The following CCDC148 variants were observed in gnomAD, a reference collection of about 807,000 sequenced individuals.
The protein encoded by CCDC148 is coiled-coil domain-containing protein 148.
Under a neutral mutation model 85.7 loss-of-function variants are expected in CCDC148, and 89 were observed. The ratio of observed to expected loss-of-function variants is 1.04; its 90% CI spans 0.87 to 1.24. The LOEUF is 1.24. CCDC148 is among the 50% of genes most tolerant of loss of function. The pLI is 0.00. For missense variants in CCDC148, 692 were observed against 671.7 expected, an observed-to-expected ratio of 1.03 and a Z score of -0.33; for synonymous variants, 230 against 213.9, an observed-to-expected ratio of 1.08 and a Z score of -0.66.
intron 1 of CCDC148, among the ~76,000 whole-genome samples, chr2:158,440,503 AC>A (rs1687886559): frequency 6.6e-6 from 1 of 152,076 alleles, no homozygotes; most frequent in Admixed American, 6.5e-5. Flanking sequence ...TGCATTCAAG[AC>A]CCCCAGTGGA....
chr2:158,392,391 A>G (rs2105297978), intron 1 of CCDC148, among the ~76,000 whole-genome samples: 1 of 152,232 alleles, frequency 6.6e-6, no homozygotes, highest in Middle Eastern at 3.4e-3. Context: ...ATGAATATTT[A>G]TTACAGGTTG....
chr2:158,399,160 G>A (rs551059399), intron 1 of CCDC148, among the ~76,000 whole-genome samples: 1 of 152,234 alleles, frequency 6.6e-6, no homozygotes, highest in Admixed American at 6.5e-5. Flanking sequence ...AAAAGTCCAG[G>A]ACCAGATGGA....
chr2:158,412,542 A>G (rs1324206787), intron 1 of CCDC148, among the ~76,000 whole-genome samples: 1 of 152,186 alleles, frequency 6.6e-6, no homozygotes. Flanking sequence ...TAAAAGAGAG[A>G]GGCATAGGAA....
intron 10 of CCDC148, among the ~76,000 whole-genome samples, chr2:158,245,077 A>C (rs887677476): frequency 1.3e-5 from 2 of 152,214 alleles, no homozygotes; most frequent in Admixed American, 6.5e-5. Flanking sequence ...AGAATGGTTC[A>C]GATCTGAAAT....
At chr2:158,236,425 A>G (rs1688111346) in intron 10 of CCDC148, among the ~76,000 whole-genome samples, 1 of 152,184 alleles carries the variant, frequency 6.6e-6, no homozygotes, top group Admixed American at 6.5e-5. Flanking sequence ...TTGCATAATG[A>G]TCATGTCATA....
chr2:158,377,496 CA>C (rs1232283631), intron 1 of CCDC148, among the ~76,000 whole-genome samples: 1 of 151,894 alleles, frequency 6.6e-6, no homozygotes, highest in Non-Finnish European at 1.5e-5. Context: ...ATCAAATTAA[CA>C]AAAAATAAAA....
chr2:158,234,172 T>G (rs139791669), intron 10 of CCDC148, among the ~76,000 whole-genome samples: 81 of 150,646 alleles, frequency 5.4e-4, no homozygotes, highest in African/African-American at 1.8e-3. Flanking sequence ...CGAGACTCCA[T>G]CTCAAAAAAA....
intron 2 of CCDC148, among the ~76,000 whole-genome samples, chr2:158,357,252 A>C (rs1052407465): frequency 6.9e-6 from 1 of 145,940 alleles, no homozygotes; most frequent in Non-Finnish European, 1.5e-5. Context: ...AAAAGAAGAC[A>C]AAAAAAAATA....
Position 158,385,639 on chromosome 2 carries a change from A to T in CCDC148, c.26-27069T>A, listed in dbSNP as rs561705460. 5.8e-4 allele frequency among the ~76,000 whole-genome samples: 89 copies of T among 152,290 alleles called. 1 individual carries two copies. Among genetic ancestry groups the T allele is most frequent in the African/African-American group, 1.9e-3 (81 of 41,574 alleles). ...TCTAGGAATTCATCCTAATGATATA[A>T]TCAAAGGTATACACAAAGATATATA... is the stretch of plus-strand genomic sequence containing the variant. On this transcript the variant is annotated intron_variant, in intron 1 of 13. Coordinates refer to ENST00000283233, the MANE Select transcript of CCDC148 (RefSeq NM_138803.4).
intron 9 of CCDC148, among the ~76,000 whole-genome samples, chr2:158,269,223 T>C (rs540442904): frequency 4.6e-5 from 7 of 152,242 alleles, no homozygotes; most frequent in Non-Finnish European, 1.0e-4. Flanking sequence ...TCACTGACGC[T>C]CATTCTCTCT....
At chr2:158,369,496 T>A (rs1237239268) in intron 1 of CCDC148, among the ~76,000 whole-genome samples, 2 of 152,152 alleles carry the variant, frequency 1.3e-5, no homozygotes, top group Non-Finnish European at 2.9e-5. Context: ...TGTATAGGAA[T>A]GCTTGTAATT....
chr2:158,451,692 T>C (rs571830625), intron 1 of CCDC148, among the ~76,000 whole-genome samples: 10 of 151,624 alleles, frequency 6.6e-5, no homozygotes, highest in East Asian at 1.9e-4. Flanking sequence ...TATGGGAGAG[T>C]AGGGGATAGA....
intron 10 of CCDC148, among the ~76,000 whole-genome samples, chr2:158,231,705 A>G (rs906348629): frequency 1.3e-5 from 2 of 152,150 alleles, no homozygotes; most frequent in African/African-American, 2.4e-5. Flanking sequence ...TCCTTAGTAC[A>G]TTGTGTCATG....
intron 7 of CCDC148, among the ~76,000 whole-genome samples, chr2:158,321,385 G>A (rs908561148): frequency 2.6e-5 from 4 of 152,124 alleles, no homozygotes; most frequent in Non-Finnish European, 4.4e-5. Flanking sequence ...ACGAGACTAC[G>A]TGAACACTGG....
In CCDC148 at chr2:158,227,316, C is replaced by G. The variant is rs1281156289; in HGVS notation, c.1252-6603G>C. On this transcript the variant is annotated intron_variant, in intron 10 of 13. Transcript: ENST00000283233. ...TCAATGAAATAAAAGAGGATACAAACAAATGGAAGAACATTCCATGCTCAT... is the reference window on the plus strand; with the variant it reads ...TCAATGAAATAAAAGAGGATACAAAGAAATGGAAGAACATTCCATGCTCAT... 1.0e-4 allele frequency among the ~76,000 whole-genome samples: 15 copies of G among 150,090 alleles called. 1 individual carries two copies. In the South Asian group the frequency reaches 1.7e-3, roughly 17 times the overall value.
intron 9 of CCDC148, among the ~76,000 whole-genome samples, chr2:158,305,250 T>A (rs1232396275): frequency 6.6e-6 from 1 of 152,158 alleles, no homozygotes; most frequent in African/African-American, 2.4e-5. Context: ...TGAAGGAAAC[T>A]ATCTCCCTCA....
intron 9 of CCDC148, among the ~76,000 whole-genome samples, chr2:158,262,835 G>T (rs1417692769): frequency 1.3e-5 from 2 of 151,894 alleles, no homozygotes; most frequent in Non-Finnish European, 2.9e-5. Context: ...ATATTTGGGT[G>T]GGGACACAGA....
intron 9 of CCDC148, among the ~76,000 whole-genome samples, chr2:158,264,978 T>C (rs1456968165): frequency 1.3e-5 from 2 of 152,144 alleles, no homozygotes; most frequent in African/African-American, 4.8e-5. Context: ...AGCTCATTTA[T>C]ACATTCCTCC....
intron 1 of CCDC148, among the ~76,000 whole-genome samples, chr2:158,378,927 T>A (rs1684762416): frequency 6.6e-6 from 1 of 152,168 alleles, no homozygotes; most frequent in South Asian, 2.1e-4. Flanking sequence ...TTAATGTTGC[T>A]TTCATGCCTG....
Sources: gnomAD v4.1 joint callset for allele counts (sites outside exome capture counted in the v4.1 genomes callset) on GRCh38, gnomAD v4.1.1 for gene constraint, MANE v1.5 for transcripts, NCBI Gene and HGNC (gene_info 2026-07-23, HGNC 2026-07-21) for gene names.